The following EFR3A variants were observed in gnomAD, a reference collection of about 807,000 sequenced individuals.
EFR3A encodes EFR3 homolog A.
A neutral mutation model predicts 104.4 loss-of-function variants in EFR3A; 76 were observed. That is an observed-to-expected ratio of 0.73 (90% CI 0.60 to 0.88). The LOEUF (loss-of-function observed/expected upper bound fraction) is 0.88, where lower values mean the gene tolerates loss of function less well. Among genes scored for constraint, EFR3A ranks in the 40% least tolerant of loss-of-function variants. The pLI, the probability that EFR3A is intolerant of heterozygous loss-of-function variation, is 0.00. For synonymous variants in EFR3A, 330 were observed against 330.0 expected, an observed-to-expected ratio of 1.00 and a Z score of 0.00; for missense variants, 985 against 1,012.5, an observed-to-expected ratio of 0.97 and a Z score of 0.37.
intron 14 of EFR3A, among the ~76,000 whole-genome samples, chr8:131,981,885 CT>C (rs1820633060): frequency 6.6e-6 from 1 of 152,040 alleles, no homozygotes; most frequent in African/African-American, 2.4e-5. Flanking sequence ...GAAGCGTATT[CT>C]TCCAGAGAAA....
In EFR3A at chr8:131,955,126, G is replaced by A. The variant is rs145299613; in HGVS notation, c.639-642G>A. 2.4e-3 allele frequency among the ~76,000 whole-genome samples: 367 copies of A among 152,104 alleles called. 2 individuals carry two copies. Among genetic ancestry groups the A allele is most frequent in the African/African-American group, 8.2e-3 (340 of 41,532 alleles). On this transcript the variant is annotated intron_variant, in intron 6 of 22. Coordinates refer to ENST00000254624, the MANE Select transcript of EFR3A (RefSeq NM_015137.6). Reference sequence around the variant, plus strand: ...TGGGAACCCATTTTCCATAATTACGGCTCTTGAGGTCCAGGATTAGCATAA... The same window carrying A: ...TGGGAACCCATTTTCCATAATTACGACTCTTGAGGTCCAGGATTAGCATAA...
intron 1 of EFR3A, among the ~76,000 whole-genome samples, chr8:131,919,350 C>T (rs550851695): frequency 1.4e-4 from 21 of 152,214 alleles, no homozygotes; most frequent in African/African-American, 5.1e-4. Context: ...GTAATCCCAG[C>T]ACTTTGGGCG....
chr8:131,928,115 G>C (rs1235353370), intron 1 of EFR3A, among the ~76,000 whole-genome samples: 2 of 152,106 alleles, frequency 1.3e-5, no homozygotes, highest in Non-Finnish European at 2.9e-5. Context: ...CTGGCACTTT[G>C]CGTGTAGTTA....
At chr8:132,003,867 AG>A (rs1181733214) in intron 22 of EFR3A, among the ~76,000 whole-genome samples, 1 of 152,218 alleles carries the variant, frequency 6.6e-6, no homozygotes, top group Non-Finnish European at 1.5e-5. Flanking sequence ...CATCTAAAGA[AG>A]GAACTTCCAC....
chr8:131,918,542 G>C (rs901412409), intron 1 of EFR3A, among the ~76,000 whole-genome samples: 2 of 152,234 alleles, frequency 1.3e-5, no homozygotes, highest in South Asian at 2.1e-4. Flanking sequence ...ATCTTCAAAT[G>C]TTGGATAGAG....
chr8:131,959,670 T>C lies in EFR3A; in HGVS notation c.855+7T>C. Reference sequence around the variant, plus strand: ...TATAATGTATTCCATTCAGGTAAGGTTTGATTAACTATTTACTGTATTTAT... The same window carrying C: ...TATAATGTATTCCATTCAGGTAAGGCTTGATTAACTATTTACTGTATTTAT... On this transcript the variant is annotated splice_region_variant and intron_variant, in intron 8 of 22. Coordinates refer to ENST00000254624, the MANE Select transcript of EFR3A (RefSeq NM_015137.6). 6.3e-7 allele frequency: 1 copy of C among 1,597,914 alleles called. No individual in the cohort carries two copies. Among genetic ancestry groups the C allele is most frequent in the Non-Finnish European group, 8.5e-7 (1 of 1,170,654 alleles).
chr8:132,010,130 T>TA (rs1314177334), intron 22 of EFR3A, among the ~76,000 whole-genome samples: 2 of 151,834 alleles, frequency 1.3e-5, no homozygotes, highest in African/African-American at 4.8e-5. Flanking sequence ...AAAGCTGTTT[T>TA]AAAAAGACTG....
In EFR3A at chr8:131,984,574, G is replaced by T. The variant is rs559377876; in HGVS notation, c.1737+274G>T. ...CCTGTATCCACACTTCCTACACTGG[G>T]GGGGATAGTCATTAAATAAGAATGA... is the stretch of plus-strand genomic sequence containing the variant. On this transcript the variant is annotated intron_variant, in intron 15 of 22. Transcript: ENST00000254624. Among the ~76,000 whole-genome samples the T allele has an allele frequency of 3.3e-5, 5 of 152,214 alleles. No homozygotes were observed. The South Asian group carries it at 8.3e-4, about 25-fold the overall frequency.
chr8:131,914,976 G>A (rs987107521), intron 1 of EFR3A, among the ~76,000 whole-genome samples: 3 of 152,150 alleles, frequency 2.0e-5, no homozygotes, highest in Non-Finnish European at 4.4e-5. Flanking sequence ...TCCCACAAAA[G>A]ACATGATCTC....
Position 131,904,283 on chromosome 8 carries a change from G to C in EFR3A, c.-30G>C. Reference sequence around the variant, plus strand: ...TCCCTGCGCGGCCCCGCTGAGCCTCGGTGCGGCGGCGAGCGCGGTCGAGAT... The same window carrying C: ...TCCCTGCGCGGCCCCGCTGAGCCTCCGTGCGGCGGCGAGCGCGGTCGAGAT... On this transcript the variant is annotated 5_prime_UTR_variant, in exon 1 of 23. Coordinates refer to ENST00000254624, the MANE Select transcript of EFR3A (RefSeq NM_015137.6). 1 of 1,271,416 alleles carries C rather than the reference G, an allele frequency of 7.9e-7. No homozygotes were observed. Among genetic ancestry groups the C allele is most frequent in the East Asian group, 3.1e-5 (1 of 31,770 alleles). 78.8% of individuals were successfully genotyped at this position (1,271,416 alleles called of 1,614,324 possible). A position where few individuals can be genotyped will look rare whatever the true frequency, so the allele number is the denominator to read the frequency against.
intron 20 of EFR3A, among the ~76,000 whole-genome samples, chr8:132,002,161 C>T (rs1306882303): frequency 1.3e-5 from 2 of 152,196 alleles, no homozygotes; most frequent in African/African-American, 4.8e-5. Context: ...CAACATGGTT[C>T]CAAATGACCC....
At chr8:131,918,136 A>C (rs1248061386) in intron 1 of EFR3A, among the ~76,000 whole-genome samples, 1 of 152,104 alleles carries the variant, frequency 6.6e-6, no homozygotes, top group Non-Finnish European at 1.5e-5. Flanking sequence ...AAAATGCAAA[A>C]ATTAGCTGGG....
At chr8:131,940,703 T>A (rs1222400721) in intron 2 of EFR3A, 128 bp downstream of exon 2, 1 of 1,384,358 alleles carries the variant, frequency 7.2e-7, no homozygotes, top group Non-Finnish European at 9.4e-7. Flanking sequence ...ATACTACTTT[T>A]TTTATACTTT....
Position 131,924,767 on chromosome 8 carries a change from TCG to T in EFR3A, c.11-15731_11-15730del, listed in dbSNP as rs539845185. On this transcript the variant is annotated intron_variant, in intron 1 of 22. Coordinates refer to ENST00000254624, the MANE Select transcript of EFR3A (RefSeq NM_015137.6). ...TCATCTTCTGGTCTGTAAGAAATAGTCGGTTCTACTCATTTCGTGTTCATGCT... is the reference window on the plus strand; with the variant it reads ...TCATCTTCTGGTCTGTAAGAAATAGTGTTCTACTCATTTCGTGTTCATGCT... Among the ~76,000 whole-genome samples, 726 of 152,230 alleles carry T rather than the reference TCG, an allele frequency of 4.8e-3. 6 individuals carry two copies. Among genetic ancestry groups the T allele is most frequent in the African/African-American group, 0.017 (696 of 41,556 alleles).
chr8:131,905,398 T>C (rs1816203668), intron 1 of EFR3A, among the ~76,000 whole-genome samples: 1 of 152,238 alleles, frequency 6.6e-6, no homozygotes, highest in Non-Finnish European at 1.5e-5. Flanking sequence ...ATTATAAAGA[T>C]TGATATTTTC....
chr8:131,965,425 G>T lies in EFR3A; in HGVS notation c.856-2870G>T, dbSNP rs193122179. On this transcript the variant is annotated intron_variant, in intron 8 of 22. Transcript: ENST00000254624. ...GGATATGAACAGACACTTCTCAAAA[G>T]AAGACATTTATGCAGCCAAAAGACA... is the stretch of plus-strand genomic sequence containing the variant. Among the ~76,000 whole-genome samples, 322 of 152,280 alleles carry T rather than the reference G, an allele frequency of 2.1e-3. 3 individuals carry two copies. Among genetic ancestry groups the T allele is most frequent in the African/African-American group, 6.9e-3 (285 of 41,558 alleles).
At chr8:131,933,426 A>G (rs1049516979) in intron 1 of EFR3A, among the ~76,000 whole-genome samples, 2 of 152,004 alleles carry the variant, frequency 1.3e-5, no homozygotes, top group African/African-American at 4.8e-5. Flanking sequence ...GTTGTTTCCT[A>G]TTTTGCAAAC....
rs535074526 is a variant in EFR3A, at chr8:132,010,874, T to G, written c.2445T>G (p.Phe815Leu). The part of the protein sequence containing the change: ...YQSVPVYEMK[F>L]PDLCVY ...CTGTCCCAGTCTATGAGATGAAGTT[T>G]CCAGATCTGTGTGTGTACTGATCGG... Residue 815 changes from phenylalanine to leucine, a missense_variant, in exon 23 of 23, where the codon TTT becomes TTG. Physicochemically the swap from Phe to Leu is conservative, Grantham distance 22. Coordinates refer to ENST00000254624, the MANE Select transcript of EFR3A (RefSeq NM_015137.6). 1 of 1,612,388 alleles carries G rather than the reference T, an allele frequency of 6.2e-7. No homozygotes were observed. Among genetic ancestry groups the G allele is most frequent in the South Asian group, 1.1e-5 (1 of 90,992 alleles).
At chr8:131,931,966 G>A (rs755831242) in intron 1 of EFR3A, among the ~76,000 whole-genome samples, 36 of 152,004 alleles carry the variant, frequency 2.4e-4, no homozygotes, top group Non-Finnish European at 2.8e-4. Flanking sequence ...CAAAGTTTAT[G>A]CCACTGGTCC....
Sources: gnomAD v4.1 joint callset for allele counts (sites outside exome capture counted in the v4.1 genomes callset) on GRCh38, gnomAD v4.1.1 for gene constraint, MANE v1.5 for transcripts, NCBI Gene and HGNC (gene_info 2026-07-23, HGNC 2026-07-21) for gene names.